Variants in CFAP97 observed in about 807,000 individuals in gnomAD.
The protein encoded by CFAP97 is cilia and flagella associated protein 97.
A neutral mutation model predicts 43.1 loss-of-function variants in CFAP97; 36 were observed. That is an observed-to-expected ratio of 0.84 (90% CI 0.64 to 1.10). The LOEUF is 1.10. CFAP97 is among the 50% of genes least tolerant of loss of function. The pLI is 0.00. For synonymous variants in CFAP97, 228 were observed against 225.7 expected, an observed-to-expected ratio of 1.01 and a Z score of -0.09; for missense variants, 657 against 620.3, an observed-to-expected ratio of 1.06 and a Z score of -0.63.
At chr4:185,196,251 A>T (rs1736537716) in intron 1 of CFAP97, among the ~76,000 whole-genome samples, 1 of 152,130 alleles carries the variant, frequency 6.6e-6, no homozygotes, top group Non-Finnish European at 1.5e-5. Context: ...AGGTGGGCAG[A>T]TCACTTGAGG....
chr4:185,179,184 A>AT (rs1368868162), intron 2 of CFAP97, among the ~76,000 whole-genome samples: 1 of 152,102 alleles, frequency 6.6e-6, no homozygotes, highest in Non-Finnish European at 1.5e-5. Context: ...CTGCAGCTGG[A>AT]CCCGACTGAC....
At chr4:185,201,490 T>C (rs775414174) in intron 1 of CFAP97, among the ~76,000 whole-genome samples, 1 of 152,160 alleles carries the variant, frequency 6.6e-6, no homozygotes, top group Non-Finnish European at 1.5e-5. Flanking sequence ...CTCAGCACCC[T>C]GATCAGTCAG....
chr4:185,209,763 C>T (rs911545707), upstream of CFAP97: 17 of 984,038 alleles, frequency 1.7e-5, no homozygotes, highest in Non-Finnish European at 2.0e-5. The surrounding 1 kb of genome is among the most constrained non-coding windows in gnomAD (Gnocchi z 5.2). Flanking sequence ...CCCCTGCCTC[C>T]GGAGCGCCGG....
In CFAP97 at chr4:185,199,821, G is replaced by C. The variant is rs149187033; in HGVS notation, c.-17+4077C>G. Reference sequence around the variant, plus strand: ...ATGTTTTAAGCCCACTGTTGAGATCGACTGCTCAGACAAAAAATTCAAAAT... The same window carrying C: ...ATGTTTTAAGCCCACTGTTGAGATCCACTGCTCAGACAAAAAATTCAAAAT... On this transcript the variant is annotated intron_variant, in intron 1 of 4. Transcript: ENST00000458385. Among the ~76,000 whole-genome samples, 465 of 131,996 alleles carry C rather than the reference G, an allele frequency of 3.5e-3. 19 individuals are homozygous for C. The South Asian group carries it at 0.076, about 22-fold the overall frequency. 86.6% of individuals were successfully genotyped at this position (131,996 alleles called of 152,430 possible).
At chr4:185,164,572 C>T (rs6849437) in intron 3 of CFAP97, among the ~76,000 whole-genome samples, 70,810 of 152,028 alleles carry the variant, frequency 0.47, 16,505 homozygotes, top group Middle Eastern at 0.57. Flanking sequence ...TTCTTAGTTT[C>T]TGTTTCTGGT....
chr4:185,196,498 T>C (rs1736552731), intron 1 of CFAP97, among the ~76,000 whole-genome samples: 1 of 152,024 alleles, frequency 6.6e-6, no homozygotes, highest in African/African-American at 2.4e-5. Context: ...CATTACATAT[T>C]ATAAGAGTAA....
chr4:185,174,502 T>C (rs1735437752), intron 3 of CFAP97, among the ~76,000 whole-genome samples: 1 of 152,202 alleles, frequency 6.6e-6, no homozygotes. Context: ...ACAAAAGAGT[T>C]GTTACAAGTT....
intron 3 of CFAP97, among the ~76,000 whole-genome samples, chr4:185,172,713 C>T (rs1272432958): frequency 6.6e-6 from 1 of 151,924 alleles, no homozygotes; most frequent in African/African-American, 2.4e-5. Context: ...GTCTAGCAAA[C>T]AGATTAAAAA....
intron 3 of CFAP97, among the ~76,000 whole-genome samples, chr4:185,168,867 C>T (rs1163585047): frequency 2.0e-5 from 3 of 149,914 alleles, no homozygotes; most frequent in Admixed American, 6.6e-5. Context: ...AAGCCGAGAT[C>T]GTGCCACTGC....
At chr4:185,207,210 CTTTT>C (rs34373262), upstream of CFAP97, among the ~76,000 whole-genome samples, 3 of 76,814 alleles carry the variant, frequency 3.9e-5, no homozygotes, top group Admixed American at 3.6e-4. Context: ...ACCAGTCACA[CTTTT>C]TTTTTTTTTT....
chr4:185,190,972 A>G lies in CFAP97; in HGVS notation c.225T>C (p.Phe75=), dbSNP rs1430073165. 4 of 1,613,674 alleles carry G rather than the reference A, an allele frequency of 2.5e-6. No individual in the cohort carries two copies. The East Asian group carries it at 8.9e-5, about 36-fold the overall frequency. ...CATTCTCTACGGGGTGTTCTGGGGG[A>G]AATTTCACGTTTCTTTCATTTCCCT... ...TEKGNERNVK[F]PPEHPVENDV... Residue 75 remains phenylalanine, a synonymous_variant, in exon 2 of 5, where the codon TTT becomes TTC. Transcript: ENST00000458385.
intron 2 of CFAP97, among the ~76,000 whole-genome samples, chr4:185,177,884 T>A (rs1735618857): frequency 6.6e-6 from 1 of 151,862 alleles, no homozygotes. Flanking sequence ...GTAAGTATGG[T>A]ATAGAAAAGT....
At chr4:185,177,827 T>A (rs1046215635) in intron 2 of CFAP97, among the ~76,000 whole-genome samples, 42 of 151,640 alleles carry the variant, frequency 2.8e-4, no homozygotes, top group African/African-American at 9.9e-4. Flanking sequence ...AGAGCAAGAC[T>A]CCCATCTCAA....
intron 3 of CFAP97, among the ~76,000 whole-genome samples, chr4:185,174,953 A>T (rs1293751561): frequency 2.0e-5 from 3 of 152,192 alleles, no homozygotes; most frequent in Non-Finnish European, 4.4e-5. Flanking sequence ...TCCCATATTT[A>T]TTTTCTTATA....
chr4:185,201,081 T>C (rs1248218139), intron 1 of CFAP97, among the ~76,000 whole-genome samples: 1 of 152,160 alleles, frequency 6.6e-6, no homozygotes, highest in African/African-American at 2.4e-5. Context: ...CCCAACACTT[T>C]GGGAGGCCGA....
At chr4:185,202,907 A>G (rs1736949257) in intron 1 of CFAP97, among the ~76,000 whole-genome samples, 1 of 151,952 alleles carries the variant, frequency 6.6e-6, no homozygotes. Flanking sequence ...ACTACGAGGT[A>G]AGTGATTCAA....
chr4:185,187,958 G>A lies in CFAP97; in HGVS notation c.1054+2185C>T, dbSNP rs188551046. On this transcript the variant is annotated intron_variant, in intron 2 of 4. Transcript: ENST00000458385. ...TGTCGCCAGGCTGGAGTGCAGTGGC[G>A]TGATCTCGGCTAACTGCAACCTCCA... 1.1e-3 allele frequency among the ~76,000 whole-genome samples: 168 copies of A among 151,716 alleles called. 1 individual carries two copies. Among genetic ancestry groups the A allele is most frequent in the African/African-American group, 3.7e-3 (155 of 41,392 alleles).
At position 185,160,374 on chromosome 4, in the gene CFAP97, A is replaced by T. The variant is rs907057380; in HGVS notation, c.*2424T>A. The T allele has an allele frequency of 5.9e-4, 90 of 151,854 alleles. No homozygotes were observed. Among genetic ancestry groups the T allele is most frequent in the African/African-American group, 2.0e-3 (84 of 41,330 alleles). 9.4% of individuals were successfully genotyped at this position (151,854 alleles called of 1,614,324 possible). The stretch of plus-strand genomic sequence containing the variant: ...ACATATATTCAGTACAAGTCAAAAA[A>T]AAAATAAAATAAAATAGTGCCAGAC... On this transcript the variant is annotated 3_prime_UTR_variant, in exon 5 of 5. Coordinates refer to ENST00000458385, the MANE Select transcript of CFAP97 (RefSeq NM_020827.3).
chr4:185,202,602 T>C (rs908882150), intron 1 of CFAP97, among the ~76,000 whole-genome samples: 1 of 151,864 alleles, frequency 6.6e-6, no homozygotes, highest in African/African-American at 2.4e-5. Context: ...TCCTTGATAG[T>C]TTCCTGCCAT....
Sources: allele counts gnomAD v4.1 joint callset (sites outside exome capture counted in the v4.1 genomes callset), GRCh38; gene constraint gnomAD v4.1.1; non-coding constraint Gnocchi (gnomAD v3.1); transcripts MANE v1.5; gene names NCBI Gene and HGNC (gene_info 2026-07-23, HGNC 2026-07-21).